EXOC4: variants seen among roughly 807,000 people sequenced by gnomAD.
The protein encoded by EXOC4 is SEC8-like 1.
In EXOC4, 71 loss-of-function variants were observed where a neutral mutation model predicts 107.2. The ratio of observed to expected loss-of-function variants is 0.66; its 90% confidence interval spans 0.55 to 0.81. The LOEUF is 0.81. EXOC4 is among the 30% of genes least tolerant of loss of function. The probability of loss-of-function intolerance (pLI) is 0.00; values close to 1 mark genes in which losing one functional copy is unlikely to be tolerated. For missense variants in EXOC4, 1,108 were observed against 1,189.6 expected (o/e 0.93, Z 1.01); for synonymous variants, 456 against 441.2 (o/e 1.03, Z -0.42).
At chr7:133,968,018 A>G (rs866240769) in intron 14 of EXOC4, among the ~76,000 whole-genome samples, 2 of 152,126 alleles carry the variant, frequency 1.3e-5, no homozygotes, top group East Asian at 1.9e-4. Context: ...GTGCTCCTGT[A>G]TTGGGTGCAT....
intron 12 of EXOC4, among the ~76,000 whole-genome samples, chr7:133,896,826 T>C (rs373175165): frequency 1.5e-4 from 13 of 87,634 alleles, no homozygotes; most frequent in African/African-American, 6.0e-4. Context: ...CCACCATGTC[T>C]GGCTATTTTT....
chr7:133,310,300 A>G (rs1427144406), intron 4 of EXOC4, among the ~76,000 whole-genome samples: 1 of 152,158 alleles, frequency 6.6e-6, no homozygotes, highest in Non-Finnish European at 1.5e-5. Flanking sequence ...CCCTGAATCT[A>G]CCTGCACAGT....
intron 10 of EXOC4, among the ~76,000 whole-genome samples, chr7:133,701,968 T>G (rs1384481998): frequency 7.0e-6 from 1 of 142,078 alleles, no homozygotes; most frequent in East Asian, 2.1e-4. Flanking sequence ...TTTCTTTTTC[T>G]TTTTCTTTTT....
chr7:133,730,142 G>A (rs1360953190), intron 10 of EXOC4, among the ~76,000 whole-genome samples: 2 of 147,346 alleles, frequency 1.4e-5, no homozygotes, highest in African/African-American at 2.5e-5. Flanking sequence ...CACAAATCAA[G>A]GATGACAAAC....
chr7:133,426,358 TATAAA>T (rs1260054725), intron 7 of EXOC4, among the ~76,000 whole-genome samples: 1 of 152,194 alleles, frequency 6.6e-6, no homozygotes, highest in Non-Finnish European at 1.5e-5. Context: ...TTCTTACAAA[TATAAA>T]AGGAAGAGTT....
chr7:134,002,016 A>G (rs117576056), intron 15 of EXOC4, among the ~76,000 whole-genome samples: 5 of 152,220 alleles, frequency 3.3e-5, no homozygotes, highest in Non-Finnish European at 7.3e-5. Flanking sequence ...AATTTCAACC[A>G]CAGTAGCAAT....
chr7:133,627,348 G>T (rs541761108), intron 9 of EXOC4, among the ~76,000 whole-genome samples: 13 of 152,272 alleles, frequency 8.5e-5, no homozygotes, highest in Admixed American at 7.8e-4. Context: ...ACTGGAGCCA[G>T]GTTAGTCAGG....
intron 13 of EXOC4, among the ~76,000 whole-genome samples, chr7:133,932,203 C>T (rs1344240511): frequency 6.6e-6 from 1 of 152,168 alleles, no homozygotes; most frequent in South Asian, 2.1e-4. Context: ...GGTGCATTAA[C>T]TTCTTATCGT....
At chr7:134,050,270 A>G (rs1795754349) in intron 17 of EXOC4, among the ~76,000 whole-genome samples, 1 of 152,206 alleles carries the variant, frequency 6.6e-6, no homozygotes, top group Non-Finnish European at 1.5e-5. Context: ...GTAACAAAAA[A>G]TATTATGTGC....
intron 17 of EXOC4, among the ~76,000 whole-genome samples, chr7:134,053,072 C>G (rs1795833897): frequency 6.6e-6 from 1 of 151,996 alleles, no homozygotes; most frequent in Admixed American, 6.6e-5. Context: ...TTCATTTACT[C>G]AGCATTCACT....
At chr7:133,561,359 G>A (rs1189847818) in intron 9 of EXOC4, among the ~76,000 whole-genome samples, 1 of 152,096 alleles carries the variant, frequency 6.6e-6, no homozygotes, top group Non-Finnish European at 1.5e-5. Flanking sequence ...GTTCTTCCAC[G>A]TCTTCTCAAA....
intron 10 of EXOC4, among the ~76,000 whole-genome samples, chr7:133,645,545 G>A (rs953297913): frequency 2.6e-5 from 4 of 151,938 alleles, no homozygotes; most frequent in Non-Finnish European, 5.9e-5. Context: ...TGCATAACTA[G>A]AACTTGAATG....
chr7:133,336,729 T>A (rs13310760), intron 5 of EXOC4, among the ~76,000 whole-genome samples: 2,553 of 24,484 alleles, frequency 0.1, 52 homozygotes, highest in African/African-American at 0.19. Context: ...ATTTTATTTA[T>A]TTTATTTTAT....
chr7:134,016,000 G>C (rs933015895), intron 17 of EXOC4, among the ~76,000 whole-genome samples: 5 of 152,104 alleles, frequency 3.3e-5, no homozygotes, highest in Admixed American at 2.6e-4. Flanking sequence ...AGGTCTTGGA[G>C]AGTGATTGAA....
Position 133,474,361 on chromosome 7 carries a change from G to A in EXOC4, c.1183-967G>A, listed in dbSNP as rs147236450. Among the ~76,000 whole-genome samples the A allele has an allele frequency of 4.7e-3, 710 of 152,238 alleles. 5 individuals carry two copies. The highest frequency in any genetic ancestry group is 7.3e-3 in the South Asian group (35 of 4,818). On this transcript the variant is annotated intron_variant, in intron 7 of 17. Transcript: ENST00000253861. ...GACGGAGTCTCACCCTGTTGCCCAGGCTGGAGTGCAGTGGCATGATCTCGG... is the reference window on the plus strand; with the variant it reads ...GACGGAGTCTCACCCTGTTGCCCAGACTGGAGTGCAGTGGCATGATCTCGG...
At chr7:133,375,166 TC>T in intron 7 of EXOC4, 164 bp downstream of exon 7, 1 of 626,502 alleles carries the variant, frequency 1.6e-6, no homozygotes, top group South Asian at 2.3e-5. Context: ...GGCATTAACT[TC>T]TACTATCTTC....
intron 10 of EXOC4, among the ~76,000 whole-genome samples, chr7:133,783,117 T>C (rs751375809): frequency 2.0e-5 from 3 of 152,208 alleles, no homozygotes; most frequent in Non-Finnish European, 4.4e-5. Flanking sequence ...GCCTGATATA[T>C]GGTAGCATTA....
In EXOC4 at chr7:133,710,389, G is replaced by A. The variant is rs139538735; in HGVS notation, c.1514+80248G>A. Among the ~76,000 whole-genome samples the A allele has an allele frequency of 2.4e-3, 361 of 152,074 alleles. 5 individuals carry two copies. The highest frequency in any genetic ancestry group is 8.1e-3 in the African/African-American group (338 of 41,486). ...AAAGTTGGTAGTTGCGGCCGGGCGCGGTGGCTCACGCCTGTAATCCCAACA... is the reference window on the plus strand; with the variant it reads ...AAAGTTGGTAGTTGCGGCCGGGCGCAGTGGCTCACGCCTGTAATCCCAACA... On this transcript the variant is annotated intron_variant, in intron 10 of 17. Transcript: ENST00000253861.
intron 9 of EXOC4, among the ~76,000 whole-genome samples, chr7:133,592,410 A>C (rs773653513): frequency 6.6e-6 from 1 of 152,142 alleles, no homozygotes; most frequent in Non-Finnish European, 1.5e-5. Flanking sequence ...TCCTAGAAAG[A>C]TCTACCCAGC....
Sources: allele counts gnomAD v4.1 joint callset (sites outside exome capture counted in the v4.1 genomes callset), GRCh38; gene constraint gnomAD v4.1.1; transcripts MANE v1.5; gene names NCBI Gene and HGNC (gene_info 2026-07-23, HGNC 2026-07-21).